Variants in CACNA2D1 observed in about 807,000 individuals in gnomAD.
The protein encoded by CACNA2D1 is voltage-dependent calcium channel subunit alpha-2/delta-1.
In CACNA2D1, 53 loss-of-function variants were observed where a neutral mutation model predicts 171.5. The observed-to-expected ratio is 0.31, with a 90% confidence interval of 0.25 to 0.39. CACNA2D1 has a LOEUF of 0.39. Among genes scored for constraint, CACNA2D1 ranks in the 10% least tolerant of loss-of-function variants. The probability of loss-of-function intolerance (pLI) is 1.00; values close to 1 mark genes in which losing one functional copy is unlikely to be tolerated. For synonymous variants in CACNA2D1, 442 were observed against 443.1 expected, an observed-to-expected ratio of 1.00 and a Z score of 0.03; for missense variants, 903 against 1,299.8, an observed-to-expected ratio of 0.69 and a Z score of 4.69.
intron 4 of CACNA2D1, among the ~76,000 whole-genome samples, chr7:82,137,385 T>G (rs1791747144): frequency 6.6e-6 from 1 of 152,134 alleles, no homozygotes; most frequent in African/African-American, 2.4e-5. Context: ...GTCAGGAATT[T>G]AAAACTCCTA....
chr7:82,044,791 T>C (rs149976930), intron 10 of CACNA2D1, among the ~76,000 whole-genome samples: 56 of 152,310 alleles, frequency 3.7e-4, no homozygotes, highest in Non-Finnish European at 6.8e-4. Flanking sequence ...TAAAAAACTT[T>C]CAAAATTTAT....
Position 81,950,441 on chromosome 7 carries a change from T to C in CACNA2D1, c.3227A>G (p.Gln1076Arg). The C allele has an allele frequency of 6.2e-7, 1 of 1,613,062 alleles. No homozygotes were observed. ...NPSLWYIIGIQFLLLWLVSGS... is the reference protein window; with the variant it reads ...NPSLWYIIGIRFLLLWLVSGS... Reference sequence around the variant, plus strand: ...AGATACCAGCCAAAGTAGTAGAAACTGGATTCCAATGATATACCACAGGGA... The same window carrying C: ...AGATACCAGCCAAAGTAGTAGAAACCGGATTCCAATGATATACCACAGGGA... Residue 1076 changes from glutamine (Q) to arginine (R), a missense_variant, in exon 39 of 39, where the codon CAG (glutamine) becomes CGG (arginine). Gln to Arg is a conservative substitution (Grantham distance 43, BLOSUM62 1). Transcript: ENST00000356860.
At chr7:82,256,425 C>T (rs182876308) in intron 3 of CACNA2D1, among the ~76,000 whole-genome samples, 2 of 152,194 alleles carry the variant, frequency 1.3e-5, no homozygotes, top group Non-Finnish European at 2.9e-5. Flanking sequence ...TTTATTCTTA[C>T]ATTGTACAAT....
At chr7:82,259,977 C>G (rs1806862773) in intron 3 of CACNA2D1, among the ~76,000 whole-genome samples, 1 of 152,194 alleles carries the variant, frequency 6.6e-6, no homozygotes, top group South Asian at 2.1e-4. Context: ...AATCCCAACA[C>G]TTTGGGAGGC....
At chr7:82,132,555 C>T (rs1251693776) in intron 5 of CACNA2D1, among the ~76,000 whole-genome samples, 1 of 152,126 alleles carries the variant, frequency 6.6e-6, no homozygotes, top group Non-Finnish European at 1.5e-5. Context: ...TGTCACTTGC[C>T]TCTCTCCTCT....
intron 6 of CACNA2D1, among the ~76,000 whole-genome samples, chr7:82,096,769 G>C (rs1811918449): frequency 6.6e-6 from 1 of 151,276 alleles, no homozygotes; most frequent in Non-Finnish European, 1.5e-5. Context: ...TACTGTAATT[G>C]ATATATCCTA....
intron 3 of CACNA2D1, among the ~76,000 whole-genome samples, chr7:82,301,730 T>TACACACACACACACAC (rs4018910): frequency 7.0e-6 from 1 of 142,276 alleles, no homozygotes; most frequent in African/African-American, 2.6e-5. Context: ...TGGTAAATAA[T>TACACACACACACACAC]ACACACACAC....
At position 82,348,218 on chromosome 7, in the gene CACNA2D1, TTTGGTGGTAC is replaced by T. The variant is rs573498603; in HGVS notation, c.177+1340_177+1349del. 5.9e-3 allele frequency among the ~76,000 whole-genome samples: 893 copies of T among 151,934 alleles called. 4 individuals are homozygous for T. The highest frequency in any genetic ancestry group is 9.1e-3 in the Non-Finnish European group (614 of 67,742). On this transcript the variant is annotated intron_variant, in intron 2 of 38. Transcript: ENST00000356860. ...TCTAAATGAAAATTAACAAAGAAGA[TTTGGTGGTAC>T]TTCCATAAACTCCATGACTTTCATA...
At chr7:82,058,131 G>C (rs1806168970) in intron 10 of CACNA2D1, among the ~76,000 whole-genome samples, 1 of 152,112 alleles carries the variant, frequency 6.6e-6, no homozygotes, top group African/African-American at 2.4e-5. Context: ...ACTCTGAAGT[G>C]AATATTACGT....
chr7:82,290,073 T>G (rs1420900312), intron 3 of CACNA2D1, among the ~76,000 whole-genome samples: 3 of 152,236 alleles, frequency 2.0e-5, no homozygotes, highest in Non-Finnish European at 4.4e-5. Context: ...TCAGAAGTTG[T>G]TCCTATTAGG....
chr7:82,217,937 A>ATTTATTTATTTATTTT (rs1184425936), intron 3 of CACNA2D1, among the ~76,000 whole-genome samples: 3 of 143,700 alleles, frequency 2.1e-5, no homozygotes, highest in Non-Finnish European at 4.6e-5. Flanking sequence ...TTATTTATTT[A>ATTTATTTATTTATTTT]TATTTTTATT....
At chr7:82,381,293 GA>G (rs1563461434) in intron 1 of CACNA2D1, among the ~76,000 whole-genome samples, 1 of 128,632 alleles carries the variant, frequency 7.8e-6, no homozygotes, top group East Asian at 2.3e-4. Flanking sequence ...TAGCCTGGGC[GA>G]AAGAGCGAGA....
In CACNA2D1 at chr7:81,947,064, ACCAT is replaced by A. The variant is rs1792102676; in HGVS notation, c.*3324_*3327del. 1 of 152,040 alleles carries A rather than the reference ACCAT, an allele frequency of 6.6e-6. No individual in the cohort carries two copies. Among genetic ancestry groups the A allele is most frequent in the South Asian group, 2.1e-4 (1 of 4,834 alleles). The allele number at this position is 152,040 out of a possible 1,614,324, so 9.4% of individuals were successfully genotyped here. The stretch of plus-strand genomic sequence containing the variant: ...ATTTTGTTTCACTAGGTCAGACTAT[ACCAT>A]TAAACATTTGAACGTCTAACATGAT... On this transcript the variant is annotated 3_prime_UTR_variant, in exon 39 of 39. Transcript: ENST00000356860.
intron 3 of CACNA2D1, among the ~76,000 whole-genome samples, chr7:82,210,931 A>T (rs1038374144): frequency 3.9e-5 from 6 of 152,238 alleles, no homozygotes; most frequent in Non-Finnish European, 7.3e-5. Context: ...GTAATAATAT[A>T]TGCAGTAGAA....
chr7:81,984,977 G>T (rs1796804048), intron 21 of CACNA2D1, among the ~76,000 whole-genome samples: 1 of 151,992 alleles, frequency 6.6e-6, no homozygotes, highest in Non-Finnish European at 1.5e-5. Flanking sequence ...AATTAGCCAA[G>T]GAAGGAGTGT....
chr7:82,325,450 G>A (rs1424463569), intron 3 of CACNA2D1, among the ~76,000 whole-genome samples: 1 of 151,528 alleles, frequency 6.6e-6, no homozygotes, highest in Non-Finnish European at 1.5e-5. Context: ...TGAGAGCCCA[G>A]TAGAGCATTA....
chr7:82,321,467 T>C (rs969297248), intron 3 of CACNA2D1, among the ~76,000 whole-genome samples: 1 of 152,148 alleles, frequency 6.6e-6, no homozygotes, highest in Admixed American at 6.5e-5. Context: ...GAGATGGCTT[T>C]CGCCTCAAAA....
intron 23 of CACNA2D1, among the ~76,000 whole-genome samples, chr7:81,983,108 G>A (rs1418961148): frequency 6.6e-6 from 1 of 152,050 alleles, no homozygotes; most frequent in Admixed American, 6.6e-5. Flanking sequence ...TTAAGTCCAA[G>A]AAAAAAACTT....
chr7:82,117,406 C>T (rs1789194116), intron 5 of CACNA2D1, among the ~76,000 whole-genome samples: 1 of 152,124 alleles, frequency 6.6e-6, no homozygotes, highest in African/African-American at 2.4e-5. Context: ...CTGATTTCCT[C>T]AATGTTGGAG....
Sources: allele counts gnomAD v4.1 joint callset (sites outside exome capture counted in the v4.1 genomes callset), GRCh38; gene constraint gnomAD v4.1.1; transcripts MANE v1.5; gene names NCBI Gene and HGNC (gene_info 2026-07-23, HGNC 2026-07-21).